Variants in TMEM132D observed in about 807,000 individuals in gnomAD.
TMEM132D encodes the protein mature OL transmembrane protein.
In TMEM132D, 21 loss-of-function variants were observed where a neutral mutation model predicts 62.3. The observed-to-expected ratio is 0.34, with a 90% CI of 0.24 to 0.49. TMEM132D has a LOEUF of 0.49. Among genes scored for constraint, TMEM132D ranks in the 20% least tolerant of loss-of-function variants. The pLI, the probability that TMEM132D is intolerant of heterozygous loss-of-function variation, is 0.99. For missense variants in TMEM132D, 1,346 were observed against 1,402.8 expected (o/e 0.96, Z 0.65); for synonymous variants, 621 against 575.6 (o/e 1.08, Z -1.13).
At chr12:129,438,510 C>A (rs1872852354) in intron 3 of TMEM132D, among the ~76,000 whole-genome samples, 1 of 151,952 alleles carries the variant, frequency 6.6e-6, no homozygotes, top group Non-Finnish European at 1.5e-5. Context: ...GAAAAGAAAC[C>A]AGGCACAAAA....
chr12:129,754,830 G>A (rs1870113318), intron 1 of TMEM132D, among the ~76,000 whole-genome samples: 2 of 152,214 alleles, frequency 1.3e-5, no homozygotes, highest in Admixed American at 6.5e-5. Flanking sequence ...GACTAAAATA[G>A]AAAAACATTT....
chr12:129,760,393 G>A (rs1373907182), intron 1 of TMEM132D, among the ~76,000 whole-genome samples: 17 of 142,944 alleles, frequency 1.2e-4, no homozygotes, highest in African/African-American at 4.2e-4. Context: ...GTGCAGTGGC[G>A]CGATCTCGGC....
intron 3 of TMEM132D, among the ~76,000 whole-genome samples, chr12:129,508,003 C>T (rs148255385): frequency 6.6e-6 from 1 of 152,172 alleles, no homozygotes; most frequent in Non-Finnish European, 1.5e-5. Context: ...TTTGTGTACT[C>T]CTGAGTATAC....
chr12:129,199,860 G>C (rs1034190163), intron 5 of TMEM132D, among the ~76,000 whole-genome samples: 1 of 152,066 alleles, frequency 6.6e-6, no homozygotes, highest in Non-Finnish European at 1.5e-5. Flanking sequence ...TGGGTCCCTC[G>C]CATGACACAT....
intron 3 of TMEM132D, among the ~76,000 whole-genome samples, chr12:129,392,525 C>T (rs906276536): frequency 4.6e-5 from 7 of 152,306 alleles, no homozygotes; most frequent in South Asian, 4.1e-4. Context: ...ATGCAGCATG[C>T]GCTTGTTGAC....
chr12:129,710,326 C>T (rs985729112), intron 1 of TMEM132D, among the ~76,000 whole-genome samples: 1 of 152,006 alleles, frequency 6.6e-6, no homozygotes, highest in Admixed American at 6.6e-5. Context: ...GACAGAGTCT[C>T]ACTGTGTCAC....
At chr12:129,697,749 T>C (rs1593124361) in intron 2 of TMEM132D, among the ~76,000 whole-genome samples, 2 of 152,240 alleles carry the variant, frequency 1.3e-5, no homozygotes, top group Non-Finnish European at 2.9e-5. Flanking sequence ...GAGCCTCATA[T>C]TGTGCAGCCA....
intron 2 of TMEM132D, among the ~76,000 whole-genome samples, chr12:129,598,974 C>A (rs943061779): frequency 6.6e-6 from 1 of 152,112 alleles, no homozygotes; most frequent in Non-Finnish European, 1.5e-5. Context: ...TGACACTAAA[C>A]CAATCACAGA....
At chr12:129,478,349 A>C (rs1165071923) in intron 3 of TMEM132D, among the ~76,000 whole-genome samples, 4 of 152,220 alleles carry the variant, frequency 2.6e-5, no homozygotes, top group African/African-American at 9.6e-5. Flanking sequence ...GTGCTACAAC[A>C]TTAAGATGAC....
chr12:129,754,131 G>C (rs1240480289), intron 1 of TMEM132D, among the ~76,000 whole-genome samples: 5 of 152,184 alleles, frequency 3.3e-5, no homozygotes, highest in African/African-American at 1.2e-4. Context: ...ATGAAGAAAA[G>C]AGCGGGAAAA....
intron 3 of TMEM132D, among the ~76,000 whole-genome samples, chr12:129,375,375 T>C (rs183237827): frequency 1.3e-3 from 197 of 152,340 alleles, no homozygotes; most frequent in Non-Finnish European, 2.2e-3. Context: ...CAGTGGTTTA[T>C]GATGTTGGGT....
intron 5 of TMEM132D, among the ~76,000 whole-genome samples, chr12:129,127,586 G>C (rs943936726): frequency 6.6e-6 from 1 of 152,008 alleles, no homozygotes. Flanking sequence ...CTAAATACAG[G>C]GGCCTTTAAA....
At chr12:129,741,087 G>A (rs1869591113) in intron 1 of TMEM132D, among the ~76,000 whole-genome samples, 1 of 152,208 alleles carries the variant, frequency 6.6e-6, no homozygotes, top group South Asian at 2.1e-4. Context: ...GATGTCAAGT[G>A]TTCCCCATGT....
At chr12:129,504,927 G>A (rs968594167) in intron 3 of TMEM132D, among the ~76,000 whole-genome samples, 1 of 152,112 alleles carries the variant, frequency 6.6e-6, no homozygotes, top group African/African-American at 2.4e-5. Flanking sequence ...CTGTCGTTCA[G>A]TTCAAATAAT....
At chr12:129,208,211 G>A (rs757637715) in intron 5 of TMEM132D, among the ~76,000 whole-genome samples, 35 of 152,154 alleles carry the variant, frequency 2.3e-4, no homozygotes, top group African/African-American at 7.0e-4. Context: ...GGCAGGACCC[G>A]AGGAGGGCTG....
chr12:129,493,478 T>G (rs946832738), intron 3 of TMEM132D, among the ~76,000 whole-genome samples: 4 of 152,226 alleles, frequency 2.6e-5, no homozygotes, highest in Admixed American at 6.5e-5. Flanking sequence ...AATTGTCTTC[T>G]TCAGAATCAG....
intron 4 of TMEM132D, among the ~76,000 whole-genome samples, chr12:129,249,774 T>C (rs1482312108): frequency 2.0e-5 from 3 of 152,130 alleles, no homozygotes; most frequent in Admixed American, 6.5e-5. Context: ...ACAGAATCGC[T>C]GTGAACATCT....
At chr12:129,629,538 C>T (rs765201541) in intron 2 of TMEM132D, among the ~76,000 whole-genome samples, 11 of 152,156 alleles carry the variant, frequency 7.2e-5, no homozygotes, top group Non-Finnish European at 1.6e-4. Flanking sequence ...TTTAACTCTG[C>T]CTCTCCCATG....
At chr12:129,533,031 C>G (rs143814919) in intron 2 of TMEM132D, among the ~76,000 whole-genome samples, 2 of 152,088 alleles carry the variant, frequency 1.3e-5, no homozygotes, top group Non-Finnish European at 2.9e-5. Flanking sequence ...CTCGCTGGAC[C>G]TGGGGGTGGT....
Sources: gnomAD v4.1 joint callset for allele counts (sites outside exome capture counted in the v4.1 genomes callset) on GRCh38, gnomAD v4.1.1 for gene constraint, MANE v1.5 for transcripts, NCBI Gene and HGNC (gene_info 2026-07-23, HGNC 2026-07-21) for gene names.